Variants in IRS1 observed in about 807,000 individuals in gnomAD.
The protein encoded by IRS1 is insulin receptor substrate 1.
Under a neutral mutation model 65.6 loss-of-function variants are expected in IRS1, and 34 were observed. The observed-to-expected ratio is 0.52, with a 90% CI of 0.39 to 0.69. The LOEUF is 0.69. Among genes scored for constraint, IRS1 ranks in the 30% least tolerant of loss-of-function variants. The probability of loss-of-function intolerance (pLI) is 0.00; values close to 1 mark genes in which losing one functional copy is unlikely to be tolerated. For missense variants in IRS1, 1,641 were observed against 1,720.2 expected (o/e 0.95, Z 0.81); for synonymous variants, 699 against 683.5 (o/e 1.02, Z -0.35).
At chr2:226,777,902 CTAT>C (rs1939304594) in intron 1 of IRS1, among the ~76,000 whole-genome samples, 1 of 152,030 alleles carries the variant, frequency 6.6e-6, no homozygotes, top group African/African-American at 2.4e-5. Context: ...TCCACTGACC[CTAT>C]TATTAAGTTT....
Position 226,799,139 on chromosome 2 carries a change from AGCGCGC to A in IRS1, c.-407_-402del, listed in dbSNP as rs140103054. Reference sequence around the variant, plus strand: ...GGGGTCCCTGCGGTGCCCCTCCAGGAGCGCGCGCGCGCGCGCGCCTTCCCTCCTGAG... The same window carrying A: ...GGGGTCCCTGCGGTGCCCCTCCAGGAGCGCGCGCGCGCCTTCCCTCCTGAG... On this transcript the variant is annotated 5_prime_UTR_variant, in exon 1 of 2. Transcript: ENST00000305123. This position sits in a 1 kb window ranked among gnomAD's most constrained non-coding sequence, Gnocchi z 6.1. 2 of 1,118,518 alleles carry A rather than the reference AGCGCGC, an allele frequency of 1.8e-6. No homozygotes were observed. Among genetic ancestry groups the A allele is most frequent in the Non-Finnish European group, 1.1e-6 (1 of 902,022 alleles). 69.3% of individuals were successfully genotyped at this position (1,118,518 alleles called of 1,614,324 possible).
chr2:226,792,455 G>C (rs1034672310), intron 1 of IRS1: 4 of 152,278 alleles, frequency 2.6e-5, no homozygotes, highest in African/African-American at 9.7e-5. Context: ...CAAAGGGATG[G>C]CAGGGGATAG....
rs749058244 is a variant in IRS1 at position 226,733,978 on chromosome 2, C to T, written c.*2294G>A. On this transcript the variant is annotated 3_prime_UTR_variant, in exon 2 of 2. Coordinates refer to ENST00000305123, the MANE Select transcript of IRS1 (RefSeq NM_005544.3). ...CATTCAAAACATGTTGATAATTCCA[C>T]ATGTAGAGGTATCTCGGTAACACAT... is the stretch of plus-strand genomic sequence containing the variant. The T allele has an allele frequency of 6.6e-6, 1 of 152,142 alleles. No homozygotes were observed. Among genetic ancestry groups the T allele is most frequent in the Non-Finnish European group, 1.5e-5 (1 of 68,018 alleles). 9.4% of individuals were successfully genotyped at this position (152,142 alleles called of 1,614,324 possible).
intron 1 of IRS1, among the ~76,000 whole-genome samples, chr2:226,783,687 C>T (rs892305486): frequency 9.2e-5 from 14 of 152,150 alleles, no homozygotes; most frequent in Non-Finnish European, 1.5e-5. Context: ...TAAACATTTA[C>T]TAATGACAAC....
At chr2:226,788,676 G>A (rs1254398802) in intron 1 of IRS1, among the ~76,000 whole-genome samples, 1 of 152,106 alleles carries the variant, frequency 6.6e-6, no homozygotes, top group Non-Finnish European at 1.5e-5. Context: ...GCAAATAGAT[G>A]ATACTTACTA....
intron 1 of IRS1, among the ~76,000 whole-genome samples, chr2:226,789,359 T>C (rs1306819496): frequency 6.6e-6 from 1 of 152,116 alleles, no homozygotes; most frequent in Non-Finnish European, 1.5e-5. Context: ...TAACACAGGG[T>C]TGGAAAAGCA....
chr2:226,746,786 T>TC (rs2106160587), intron 1 of IRS1, among the ~76,000 whole-genome samples: 1 of 121,000 alleles, frequency 8.3e-6, no homozygotes, highest in South Asian at 2.7e-4. Flanking sequence ...AGCAGCATTC[T>TC]TTTTTTTTTT....
chr2:226,738,787 C>T (rs927016483), intron 1 of IRS1, among the ~76,000 whole-genome samples: 1 of 152,164 alleles, frequency 6.6e-6, no homozygotes, highest in Admixed American at 6.5e-5. Context: ...CAGCTCTGGG[C>T]CTCTAATTAG....
intron 1 of IRS1, among the ~76,000 whole-genome samples, chr2:226,741,347 G>T (rs1182384499): frequency 6.6e-6 from 1 of 152,172 alleles, no homozygotes; most frequent in Non-Finnish European, 1.5e-5. Flanking sequence ...AATATGGGGA[G>T]AGTAGGAATT....
chr2:226,757,231 G>C (rs914434284), intron 1 of IRS1, among the ~76,000 whole-genome samples: 1 of 152,132 alleles, frequency 6.6e-6, no homozygotes, highest in Admixed American at 6.5e-5. Context: ...AGGATGGTAC[G>C]GTTTGAACTC....
chr2:226,764,472 G>A (rs1938988362), intron 1 of IRS1, among the ~76,000 whole-genome samples: 2 of 152,144 alleles, frequency 1.3e-5, no homozygotes, highest in Admixed American at 1.3e-4. Context: ...AAGTCGAGGA[G>A]TGCGAGGCTG....
chr2:226,784,609 G>A (rs1939453017), intron 1 of IRS1, among the ~76,000 whole-genome samples: 1 of 152,038 alleles, frequency 6.6e-6, no homozygotes, highest in African/African-American at 2.4e-5. Flanking sequence ...TTTTAGTAGA[G>A]ACGGGGTTTC....
At chr2:226,751,510 C>T (rs545246933) in intron 1 of IRS1, among the ~76,000 whole-genome samples, 1 of 152,008 alleles carries the variant, frequency 6.6e-6, no homozygotes. Flanking sequence ...GTCTCGATCT[C>T]CTAACCTCGT....
At chr2:226,772,457 T>C (rs765523398) in intron 1 of IRS1, among the ~76,000 whole-genome samples, 1 of 152,148 alleles carries the variant, frequency 6.6e-6, no homozygotes, top group African/African-American at 2.4e-5. Context: ...ATACTTTCAT[T>C]TGATCTTTCA....
At chr2:226,760,447 T>C (rs562487587) in intron 1 of IRS1, among the ~76,000 whole-genome samples, 1 of 152,176 alleles carries the variant, frequency 6.6e-6, no homozygotes, top group Non-Finnish European at 1.5e-5. Context: ...ATCTCACAGA[T>C]AGCAAATCTA....
chr2:226,736,389 G>T (rs1431386057), intron 1 of IRS1, 139 bp from the exon 2 acceptor site: 3 of 152,094 alleles, frequency 2.0e-5, no homozygotes, highest in Non-Finnish European at 4.4e-5. Context: ...ACCTAAATAT[G>T]ATCAACAAAC....
At chr2:226,748,260 A>G (rs1272478658) in intron 1 of IRS1, among the ~76,000 whole-genome samples, 1 of 151,752 alleles carries the variant, frequency 6.6e-6, no homozygotes, top group African/African-American at 2.4e-5. Flanking sequence ...GAAACCCCAT[A>G]TCTACTAAAA....
Position 226,791,452 on chromosome 2 carries a change from C to T in IRS1, c.*21+3537G>A, listed in dbSNP as rs139101147. Reference sequence around the variant, plus strand: ...AAAAATAAGAGCAAGTGTGTGTTTCCGGCCCCCGTCCGTGGGCTGGTTGGA... The same window carrying T: ...AAAAATAAGAGCAAGTGTGTGTTTCTGGCCCCCGTCCGTGGGCTGGTTGGA... On this transcript the variant is annotated intron_variant, in intron 1 of 1. Coordinates refer to ENST00000305123, the MANE Select transcript of IRS1 (RefSeq NM_005544.3). Among the ~76,000 whole-genome samples, 1,050 of 152,316 alleles carry T rather than the reference C, an allele frequency of 6.9e-3. 16 individuals are homozygous for T. Among genetic ancestry groups the T allele is most frequent in the African/African-American group, 0.024 (992 of 41,582 alleles).
intron 1 of IRS1, among the ~76,000 whole-genome samples, chr2:226,736,597 C>T (rs1049773261): frequency 5.3e-5 from 8 of 152,030 alleles, no homozygotes; most frequent in African/African-American, 1.7e-4. Flanking sequence ...AATGACCATC[C>T]GACATGAGCG....
Sources: gnomAD v4.1 joint callset for allele counts (sites outside exome capture counted in the v4.1 genomes callset) on GRCh38, gnomAD v4.1.1 for gene constraint, Gnocchi (gnomAD v3.1) non-coding constraint, MANE v1.5 for transcripts, NCBI Gene and HGNC (gene_info 2026-07-23, HGNC 2026-07-21) for gene names.